Variants in ADAMTS3 observed in about 807,000 individuals in gnomAD.
The protein encoded by ADAMTS3 is ADAM metallopeptidase with thrombospondin type 1 motif 3.
ADAMTS3 carries 73 observed loss-of-function variants against 129.0 expected under a neutral mutation model. The ratio of observed to expected loss-of-function variants is 0.57; its 90% confidence interval spans 0.47 to 0.69. The LOEUF (loss-of-function observed/expected upper bound fraction) is 0.69. ADAMTS3 is among the 30% of genes least tolerant of loss of function. The probability of loss-of-function intolerance (pLI) is 0.00; values close to 1 mark genes in which losing one functional copy is unlikely to be tolerated. For missense variants in ADAMTS3, 1,457 were observed against 1,514.5 expected, an observed-to-expected ratio of 0.96 and a Z score of 0.63; for synonymous variants, 477 against 510.8, an observed-to-expected ratio of 0.93 and a Z score of 0.89.
intron 2 of ADAMTS3, among the ~76,000 whole-genome samples, chr4:72,561,601 A>C (rs182248285): frequency 6.5e-4 from 99 of 152,342 alleles, no homozygotes; most frequent in Non-Finnish European, 1.3e-3. Context: ...TAATGCCATC[A>C]ATCATTCTTT....
At chr4:72,498,143 T>C (rs916323188) in intron 3 of ADAMTS3, among the ~76,000 whole-genome samples, 1 of 152,090 alleles carries the variant, frequency 6.6e-6, no homozygotes, top group Non-Finnish European at 1.5e-5. Context: ...ATGTGTCCTT[T>C]GTCTTAGAGA....
chr4:72,552,070 T>A (rs565876234), intron 2 of ADAMTS3, among the ~76,000 whole-genome samples: 30 of 152,288 alleles, frequency 2.0e-4, no homozygotes, highest in African/African-American at 7.0e-4. Context: ...CAGATTACAA[T>A]CACAGAAGTA....
intron 4 of ADAMTS3, among the ~76,000 whole-genome samples, chr4:72,341,214 T>C (rs1018807118): frequency 1.3e-5 from 2 of 152,128 alleles, no homozygotes; most frequent in Non-Finnish European, 2.9e-5. Flanking sequence ...TTAAAAAATA[T>C]ATAGAAACAC....
At chr4:72,406,620 G>C (rs1426245199) in intron 4 of ADAMTS3, among the ~76,000 whole-genome samples, 1 of 152,096 alleles carries the variant, frequency 6.6e-6, no homozygotes, top group African/African-American at 2.4e-5. Flanking sequence ...GTAGTGAAAG[G>C]AAGAAATGGG....
chr4:72,400,212 GGTGTGTATGTATAT>G (rs1249320478), intron 4 of ADAMTS3, among the ~76,000 whole-genome samples: 2 of 120,590 alleles, frequency 1.7e-5, no homozygotes, highest in Non-Finnish European at 3.6e-5. Flanking sequence ...ATGCACACAT[GGTGTGTATGTATAT>G]GTGTGTATAT....
chr4:72,441,604 CTCCAAAG>C, intron 3 of ADAMTS3: 1 of 151,726 alleles, frequency 6.6e-6, no homozygotes, highest in Admixed American at 6.6e-5. Flanking sequence ...TCTTGGTCTA[CTCCAAAG>C]ACTCATTCCA....
intron 2 of ADAMTS3, among the ~76,000 whole-genome samples, chr4:72,558,088 C>T (rs763853590): frequency 1.3e-5 from 2 of 151,792 alleles, no homozygotes; most frequent in Non-Finnish European, 2.9e-5. Flanking sequence ...ACATTTGTCT[C>T]CAAGAGCAAA....
chr4:72,291,930 T>A (rs1718682432), intron 19 of ADAMTS3, among the ~76,000 whole-genome samples: 1 of 152,208 alleles, frequency 6.6e-6, no homozygotes, highest in African/African-American at 2.4e-5. Context: ...GCCCTATTTT[T>A]TTCTGCCTCT....
intron 3 of ADAMTS3, among the ~76,000 whole-genome samples, chr4:72,533,228 T>C (rs190723834): frequency 6.6e-6 from 1 of 152,306 alleles, no homozygotes; most frequent in Non-Finnish European, 1.5e-5. Context: ...GTTTTTAAAC[T>C]TTTTTGTTAA....
rs779213856 is a variant in ADAMTS3, at chr4:72,414,935, T to C, written c.541A>G (p.Ile181Val). ...MIKSDNEEYFIEPLERGKQME... is the reference protein window; with the variant it reads ...MIKSDNEEYFVEPLERGKQME... The stretch of plus-strand genomic sequence containing the variant: ...TGTTTACCTCTTTCCAAGGGTTCAA[T>C]GAAATACTCTTCATTATCACTTTTT... Residue 181 changes from isoleucine (I) to valine (V), a missense_variant, in exon 4 of 22, where the codon ATT (isoleucine) becomes GTT (valine). Ile to Val is a conservative substitution (Grantham distance 29, BLOSUM62 3). Coordinates refer to ENST00000286657, the MANE Select transcript of ADAMTS3 (RefSeq NM_014243.3). 6.4e-7 allele frequency: 1 copy of C among 1,563,060 alleles called. No individual in the cohort carries two copies. The highest frequency in any genetic ancestry group is 8.6e-7 in the Non-Finnish European group (1 of 1,159,094).
intron 4 of ADAMTS3, among the ~76,000 whole-genome samples, chr4:72,360,771 A>G: frequency 6.6e-6 from 1 of 152,268 alleles, no homozygotes; most frequent in Middle Eastern, 3.4e-3. Context: ...CTTTCAAAAT[A>G]TATCTTAAAT....
At chr4:72,501,151 A>G (rs2110024013) in intron 3 of ADAMTS3, among the ~76,000 whole-genome samples, 1 of 152,256 alleles carries the variant, frequency 6.6e-6, no homozygotes, top group South Asian at 2.1e-4. Context: ...TCTGTGAAAA[A>G]TGACATTGGT....
intron 4 of ADAMTS3, among the ~76,000 whole-genome samples, chr4:72,399,469 A>G (rs2109904300): frequency 6.6e-6 from 1 of 152,290 alleles, no homozygotes; most frequent in East Asian, 1.9e-4. Flanking sequence ...CAAGGTTCTT[A>G]ACATTTCTGA....
intron 2 of ADAMTS3, among the ~76,000 whole-genome samples, chr4:72,564,110 G>A (rs1721968970): frequency 6.6e-6 from 1 of 152,122 alleles, no homozygotes; most frequent in Admixed American, 6.5e-5. Context: ...TAGGACAGAT[G>A]CCCCAATTCC....
In ADAMTS3 at chr4:72,517,627, G is replaced by A. The variant is rs537660969; in HGVS notation, c.504+30851C>T. Among the ~76,000 whole-genome samples, 1,361 of 152,286 alleles carry A rather than the reference G, an allele frequency of 8.9e-3. 32 individuals are homozygous for A. The highest frequency in any genetic ancestry group is 0.031 in the African/African-American group (1,303 of 41,526). On this transcript the variant is annotated intron_variant, in intron 3 of 21. Transcript: ENST00000286657. ...AGATTTTCTACTTTATTTGCATAGAGGTGTTTGTAGTATTCTCTGATGTTA... is the reference window on the plus strand; with the variant it reads ...AGATTTTCTACTTTATTTGCATAGAAGTGTTTGTAGTATTCTCTGATGTTA...
intron 3 of ADAMTS3, among the ~76,000 whole-genome samples, chr4:72,530,424 AAATTAATAT>A (rs1720980956): frequency 1.2e-5 from 1 of 85,666 alleles, no homozygotes; most frequent in Non-Finnish European, 2.0e-5. Context: ...AATATATATT[AAATTAATAT>A]ATGTTAATTT....
chr4:72,320,928 A>G (rs187454802), intron 6 of ADAMTS3, 58 bp from the exon 7 acceptor site: 3 of 1,536,612 alleles, frequency 2.0e-6, no homozygotes, highest in East Asian at 4.6e-5. Flanking sequence ...GCTTCGTTTG[A>G]TAATTTCCTC....
At chr4:72,407,715 A>G (rs919877701) in intron 4 of ADAMTS3, among the ~76,000 whole-genome samples, 2 of 152,184 alleles carry the variant, frequency 1.3e-5, no homozygotes, top group Non-Finnish European at 2.9e-5. Flanking sequence ...CAAATAAAAA[A>G]TATCTCAGGT....
chr4:72,402,035 T>C (rs552360810), intron 4 of ADAMTS3, among the ~76,000 whole-genome samples: 78 of 152,344 alleles, frequency 5.1e-4, no homozygotes, highest in African/African-American at 1.8e-3. Context: ...AGGTAATATA[T>C]CACTATGTGC....
Sources: gnomAD v4.1 joint callset for allele counts (sites outside exome capture counted in the v4.1 genomes callset) on GRCh38, gnomAD v4.1.1 for gene constraint, MANE v1.5 for transcripts, NCBI Gene and HGNC (gene_info 2026-07-23, HGNC 2026-07-21) for gene names.